Variants in ENTREP2 observed in about 807,000 individuals in gnomAD.
The protein encoded by ENTREP2 is endosomal transmembrane epsin interactor 2.
the ENTREP2 span, among the ~76,000 whole-genome samples, chr15:29,330,933 C>T: frequency 6.6e-6 from 1 of 152,152 alleles, no homozygotes; most frequent in Non-Finnish European, 1.5e-5. Flanking sequence ...ATAAATATCA[C>T]AGCCAACCAC....
the ENTREP2 span, among the ~76,000 whole-genome samples, chr15:29,204,064 C>T: frequency 6.6e-6 from 1 of 152,154 alleles, no homozygotes; most frequent in Non-Finnish European, 1.5e-5. Flanking sequence ...GTGATTAATT[C>T]TTAGGAAAAT....
chr15:29,608,407 T>C, the ENTREP2 span, among the ~76,000 whole-genome samples: 308 of 152,102 alleles, frequency 2.0e-3, 2 homozygotes, highest in African/African-American at 7.2e-3. Flanking sequence ...CTTGTCTTGC[T>C]CAATTTTGAT....
chr15:29,381,993 C>A, the ENTREP2 span, among the ~76,000 whole-genome samples: 25 of 152,328 alleles, frequency 1.6e-4, no homozygotes, highest in Non-Finnish European at 2.5e-4. Flanking sequence ...TGCACCCACT[C>A]TGAGAGGCAC....
chr15:29,532,347 A>G, the ENTREP2 span, among the ~76,000 whole-genome samples: 1 of 152,356 alleles, frequency 6.6e-6, no homozygotes, highest in Non-Finnish European at 1.5e-5. Context: ...TTATACAAAG[A>G]GACAGTGTTT....
chr15:29,136,999 T>G, the ENTREP2 span: 1 of 1,398,660 alleles, frequency 7.1e-7, no homozygotes. Context: ...CCCATCTTAG[T>G]GGTTTCGAGA....
At chr15:29,299,398 A>T in the ENTREP2 span, among the ~76,000 whole-genome samples, 1 of 152,148 alleles carries the variant, frequency 6.6e-6, no homozygotes, top group Non-Finnish European at 1.5e-5. Context: ...CTGCCTCTTC[A>T]GCGTCACCTT....
the ENTREP2 span, among the ~76,000 whole-genome samples, chr15:29,118,867 C>T: frequency 0.85 from 129,650 of 152,162 alleles, 55,455 homozygotes; most frequent in Middle Eastern, 0.94. Context: ...GTAGCAAGCA[C>T]GGGCTTTGTT....
the ENTREP2 span, among the ~76,000 whole-genome samples, chr15:29,577,877 A>G: frequency 1.6e-4 from 24 of 152,328 alleles, no homozygotes; most frequent in Admixed American, 1.4e-3. Context: ...TACCTAGAGT[A>G]GTCAAATTCA....
chr15:29,458,956 G>C, the ENTREP2 span, among the ~76,000 whole-genome samples: 13 of 152,256 alleles, frequency 8.5e-5, no homozygotes, highest in Non-Finnish European at 1.6e-4. Context: ...GATTCAGCAG[G>C]TGTCCGGTGC....
the ENTREP2 span, chr15:29,265,048 A>G: frequency 6.6e-6 from 1 of 152,190 alleles, no homozygotes; most frequent in Admixed American, 6.5e-5. Flanking sequence ...GCATATATAC[A>G]TCCAAAGTCA....
At chr15:29,241,114 T>G in the ENTREP2 span, among the ~76,000 whole-genome samples, 1 of 152,224 alleles carries the variant, frequency 6.6e-6, no homozygotes, top group Non-Finnish European at 1.5e-5. Context: ...AAGATTTTGT[T>G]TGTTTTCTTT....
At chr15:29,431,046 G>A in the ENTREP2 span, among the ~76,000 whole-genome samples, 3 of 152,094 alleles carry the variant, frequency 2.0e-5, no homozygotes, top group Non-Finnish European at 4.4e-5. Flanking sequence ...TATTCAGGGT[G>A]GCTGAGGCAC....
the ENTREP2 span, among the ~76,000 whole-genome samples, chr15:29,387,434 G>A: frequency 6.6e-6 from 1 of 152,068 alleles, no homozygotes; most frequent in East Asian, 1.9e-4. Flanking sequence ...ACCTCTTCAA[G>A]GACAACTACA....
the ENTREP2 span, among the ~76,000 whole-genome samples, chr15:29,152,275 C>G: frequency 6.6e-6 from 1 of 152,116 alleles, no homozygotes; most frequent in Admixed American, 6.5e-5. Context: ...ACTCATTCTC[C>G]CTTAATGGTA....
chr15:29,615,763 C>T, the ENTREP2 span, among the ~76,000 whole-genome samples: 1 of 152,286 alleles, frequency 6.6e-6, no homozygotes, highest in East Asian at 1.9e-4. Flanking sequence ...GAACTTGCTG[C>T]TTTTTCCTCA....
chr15:29,538,266 T>G, the ENTREP2 span, among the ~76,000 whole-genome samples: 1 of 152,154 alleles, frequency 6.6e-6, no homozygotes, highest in Non-Finnish European at 1.5e-5. Context: ...CCAGTCATGT[T>G]CAGCTGGGCA....
At chr15:29,271,176 A>T in the ENTREP2 span, among the ~76,000 whole-genome samples, 1 of 152,236 alleles carries the variant, frequency 6.6e-6, no homozygotes, top group Admixed American at 6.5e-5. Flanking sequence ...ACAAGATGCA[A>T]CTATATCCTC....
chr15:29,225,666 A>G, the ENTREP2 span, among the ~76,000 whole-genome samples: 1 of 152,162 alleles, frequency 6.6e-6, no homozygotes, highest in Non-Finnish European at 1.5e-5. Context: ...AGTGGAGAGA[A>G]GTAGTATCAC....
the ENTREP2 span, among the ~76,000 whole-genome samples, chr15:29,595,496 T>C: frequency 1.3e-5 from 2 of 152,192 alleles, no homozygotes; most frequent in African/African-American, 4.8e-5. Context: ...ATGTTCTTTT[T>C]GGGATCCCAT....
Sources: gnomAD v4.1 joint callset for allele counts (sites outside exome capture counted in the v4.1 genomes callset) on GRCh38, gnomAD v4.1.1 for gene constraint, MANE v1.5 for transcripts, NCBI Gene and HGNC (gene_info 2026-07-23, HGNC 2026-07-21) for gene names.